Variants in TMEM200A observed in about 807,000 individuals in gnomAD.
The protein encoded by TMEM200A is transmembrane protein 200A, also known as two transmembrane C.
TMEM200A carries 12 observed loss-of-function variants against 24.3 expected under a neutral mutation model. That is an observed-to-expected ratio of 0.49 (90% CI 0.32 to 0.80). TMEM200A has a LOEUF of 0.80. Among genes scored for constraint, TMEM200A ranks in the 30% least tolerant of loss-of-function variants. The pLI is 0.04. For missense variants in TMEM200A, 545 were observed against 614.4 expected, an observed-to-expected ratio of 0.89 and a Z score of 1.19; for synonymous variants, 224 against 224.4, an observed-to-expected ratio of 1.00 and a Z score of 0.02.
At chr6:130,402,293 T>G (rs1167388112) in intron 2 of TMEM200A, among the ~76,000 whole-genome samples, 1 of 151,978 alleles carries the variant, frequency 6.6e-6, no homozygotes, top group Non-Finnish European at 1.5e-5. Context: ...AAATAAAAAC[T>G]GAAACACTGT....
chr6:130,432,605 G>T (rs1377668092), intron 2 of TMEM200A, among the ~76,000 whole-genome samples: 2 of 152,160 alleles, frequency 1.3e-5, no homozygotes, highest in South Asian at 4.1e-4. Context: ...TTTTTAATTT[G>T]CCTAGCAGAG....
chr6:130,440,367 A>G lies in TMEM200A; in HGVS notation c.-16-40A>G, dbSNP rs1002773718. ...GAACTGATGCTCATACCCCAGGAAC[A>G]TATTTACATCATCTTTTTCCTTTTT... On this transcript the variant is annotated intron_variant, in intron 2 of 2. Transcript: ENST00000296978. 8.7e-6 allele frequency: 13 copies of G among 1,493,984 alleles called. No individual in the cohort carries two copies. The South Asian group carries it at 1.6e-4, about 19-fold the overall frequency. The allele number at this position is 1,493,984 out of a possible 1,614,324, so 92.5% of individuals were successfully genotyped here.
At chr6:130,413,911 T>C (rs1195728245) in intron 2 of TMEM200A, among the ~76,000 whole-genome samples, 1 of 152,166 alleles carries the variant, frequency 6.6e-6, no homozygotes, top group Non-Finnish European at 1.5e-5. Context: ...TCTTCCCTCT[T>C]CCAAATAGGA....
chr6:130,417,792 G>A (rs554068534), intron 2 of TMEM200A, among the ~76,000 whole-genome samples: 16 of 152,122 alleles, frequency 1.1e-4, no homozygotes, highest in South Asian at 4.2e-4. Flanking sequence ...TTGGCTTTTC[G>A]TTTTCAGAGT....
chr6:130,379,659 A>G (rs1204221911), intron 1 of TMEM200A, among the ~76,000 whole-genome samples: 1 of 152,218 alleles, frequency 6.6e-6, no homozygotes, highest in Non-Finnish European at 1.5e-5. Context: ...GGCCAGAACC[A>G]GTTGGTGTGA....
chr6:130,432,443 G>A (rs11154580), intron 2 of TMEM200A, among the ~76,000 whole-genome samples: 72,026 of 152,082 alleles, frequency 0.47, 21,449 homozygotes, highest in African/African-American at 0.85. Context: ...CATAAATTCA[G>A]CTGTTCTTTT....
At chr6:130,428,795 G>C (rs1779806583) in intron 2 of TMEM200A, among the ~76,000 whole-genome samples, 1 of 152,142 alleles carries the variant, frequency 6.6e-6, no homozygotes, top group Non-Finnish European at 1.5e-5. Context: ...TCTAGAACAC[G>C]TGAGAGAATG....
chr6:130,413,989 G>A (rs2115166627), intron 2 of TMEM200A, among the ~76,000 whole-genome samples: 1 of 152,234 alleles, frequency 6.6e-6, no homozygotes, highest in Admixed American at 6.5e-5. Context: ...ATTTCTGTTA[G>A]AGTATTATTT....
At position 130,401,497 on chromosome 6, in the gene TMEM200A, T is replaced by C. The variant is rs114911423; in HGVS notation, c.-17+16261T>C. 5.4e-3 allele frequency among the ~76,000 whole-genome samples: 822 copies of C among 151,394 alleles called. 8 individuals carry two copies. Among genetic ancestry groups the C allele is most frequent in the African/African-American group, 0.018 (750 of 41,342 alleles). On this transcript the variant is annotated intron_variant, in intron 2 of 2. Coordinates refer to ENST00000296978, the MANE Select transcript of TMEM200A (RefSeq NM_001258277.2). ...TTGCTTTCTTTTTCTCTCTCTTCCT[T>C]TCTCTCTTTCTTTTTTCTTTACTTT...
chr6:130,382,028 C>CTGGG (rs1269154555), intron 1 of TMEM200A: 1 of 917,460 alleles, frequency 1.1e-6, no homozygotes, highest in African/African-American at 1.8e-5. Context: ...CTTTTATGAT[C>CTGGG]TGGGCTACTT....
Position 130,441,891 on chromosome 6 carries a change from G to C in TMEM200A, c.1469G>C (p.Arg490Thr). The C allele has an allele frequency of 6.3e-7, 1 of 1,595,052 alleles. No homozygotes were observed. Among genetic ancestry groups the C allele is most frequent in the Non-Finnish European group, 8.5e-7 (1 of 1,173,272 alleles). The change falls in exon 3 of 3, where the codon AGG becomes ACG. Residue 490 changes from arginine to threonine, a missense_variant. Physicochemically the swap from Arg to Thr is moderately conservative, Grantham distance 71. Transcript: ENST00000296978. ...CTAAAGAGGGGAACTTCTGAAACAA[G>C]GTTTTAATGTTAAAAGAATATATCA... ...NNLKRGTSET[R>T]F is the part of the protein sequence containing the mutation.
chr6:130,398,406 G>A (rs1360069475), intron 2 of TMEM200A, among the ~76,000 whole-genome samples: 1 of 151,442 alleles, frequency 6.6e-6, no homozygotes, highest in East Asian at 1.9e-4. Context: ...CTTTGCTATT[G>A]TGAATAGTGC....
In TMEM200A at chr6:130,440,940, T is replaced by C; in HGVS notation, c.518T>C (p.Leu173Pro). ...IYSTVIDIHT[L>P]RIKEQRQMNG... Reference sequence around the variant, plus strand: ...TCCACAGTCATTGACATTCACACGCTAAGAATCAAGGAGCAAAGGCAAATG... The same window carrying C: ...TCCACAGTCATTGACATTCACACGCCAAGAATCAAGGAGCAAAGGCAAATG... Residue 173 changes from leucine (L) to proline (P), a missense_variant, in exon 3 of 3, where the codon CTA becomes CCA. Transcript: ENST00000296978. 6 of 1,613,952 alleles carry C rather than the reference T, an allele frequency of 3.7e-6. No individual in the cohort carries two copies. The highest frequency in any genetic ancestry group is 4.2e-6 in the Non-Finnish European group (5 of 1,179,984).
chr6:130,432,249 C>T (rs550489182), intron 2 of TMEM200A, among the ~76,000 whole-genome samples: 1 of 152,338 alleles, frequency 6.6e-6, no homozygotes, highest in Admixed American at 6.5e-5. Context: ...ATTACTCATT[C>T]ATTCGATCCA....
rs187929659 is a variant in TMEM200A, at chr6:130,424,885, C to G, written c.-16-15522C>G. Among the ~76,000 whole-genome samples the G allele has an allele frequency of 5.9e-5, 9 of 152,232 alleles. No individual in the cohort carries two copies. The East Asian group carries it at 1.7e-3, about 29-fold the overall frequency. On this transcript the variant is annotated intron_variant, in intron 2 of 2. Coordinates refer to ENST00000296978, the MANE Select transcript of TMEM200A (RefSeq NM_001258277.2). ...AAATCAATTCATGCTATGCTAGTAG[C>G]TGTCTTCCCTTGATTTTCCCGGCTG... is the stretch of plus-strand genomic sequence containing the variant.
intron 1 of TMEM200A, among the ~76,000 whole-genome samples, chr6:130,379,664 G>T (rs1778550664): frequency 1.3e-5 from 2 of 152,194 alleles, no homozygotes. Context: ...GAACCAGTTG[G>T]TGTGACTAGT....
At chr6:130,434,408 C>G (rs750573306) in intron 2 of TMEM200A, among the ~76,000 whole-genome samples, 2 of 152,210 alleles carry the variant, frequency 1.3e-5, no homozygotes, top group Admixed American at 6.5e-5. Context: ...TCTAAAGTCT[C>G]TCAGCTCTGG....
chr6:130,395,241 T>C (rs1778924314), intron 2 of TMEM200A, among the ~76,000 whole-genome samples: 1 of 152,190 alleles, frequency 6.6e-6, no homozygotes, highest in African/African-American at 2.4e-5. Flanking sequence ...TTATAATTCT[T>C]CTAGCTAGAT....
chr6:130,413,298 G>A (rs1257379867), intron 2 of TMEM200A, among the ~76,000 whole-genome samples: 1 of 152,150 alleles, frequency 6.6e-6, no homozygotes, highest in Non-Finnish European at 1.5e-5. Context: ...TCATTGAGAT[G>A]CCTGTGAGAT....
Sources: allele counts gnomAD v4.1 joint callset (sites outside exome capture counted in the v4.1 genomes callset), GRCh38; gene constraint gnomAD v4.1.1; transcripts MANE v1.5; gene names NCBI Gene and HGNC (gene_info 2026-07-23, HGNC 2026-07-21).